KALRN: variants seen among roughly 807,000 people sequenced by gnomAD.
KALRN encodes kalirin RhoGEF kinase, also known as kalirin.
A neutral mutation model predicts 353.7 loss-of-function variants in KALRN; 70 were observed. The ratio of observed to expected loss-of-function variants is 0.20; its 90% CI spans 0.16 to 0.24. The LOEUF is 0.24. Among genes scored for constraint, KALRN ranks in the 10% least tolerant of loss-of-function variants. KALRN has a pLI of 1.00. For synonymous variants in KALRN, 1,391 were observed against 1,434.8 expected, an observed-to-expected ratio of 0.97 and a Z score of 0.69; for missense variants, 2,791 against 3,756.7, an observed-to-expected ratio of 0.74 and a Z score of 6.72.
intron 1 of KALRN, among the ~76,000 whole-genome samples, chr3:124,074,415 A>G (rs1156450890): frequency 6.6e-6 from 1 of 152,214 alleles, no homozygotes; most frequent in Non-Finnish European, 1.5e-5. Context: ...GACAATCTCT[A>G]TGATAGTCTA....
intron 45 of KALRN, among the ~76,000 whole-genome samples, chr3:124,664,370 T>TGTGTGTGTGTGTGTGC (rs370394911): frequency 3.1e-5 from 4 of 129,534 alleles, no homozygotes; most frequent in African/African-American, 8.7e-5. Flanking sequence ...TGTGTGTGTG[T>TGTGTGTGTGTGTGTGC]GCGCGCGCGC....
At chr3:124,393,868 A>G (rs1370389717) in intron 11 of KALRN, among the ~76,000 whole-genome samples, 4 of 152,196 alleles carry the variant, frequency 2.6e-5, no homozygotes, top group Non-Finnish European at 4.4e-5. Flanking sequence ...TTCTCTATCT[A>G]AGGAACAAAG....
intron 36 of KALRN, among the ~76,000 whole-genome samples, chr3:124,636,875 C>A (rs1312337311): frequency 1.3e-5 from 2 of 152,154 alleles, no homozygotes; most frequent in African/African-American, 2.4e-5. Flanking sequence ...AGAGCAGTAG[C>A]CCCCGCCCTC....
At chr3:124,179,974 A>G (rs2073348541) in intron 1 of KALRN, among the ~76,000 whole-genome samples, 1 of 152,246 alleles carries the variant, frequency 6.6e-6, no homozygotes, top group Non-Finnish European at 1.5e-5. Flanking sequence ...CAAACATTTT[A>G]AAGGAATGAA....
At chr3:124,445,169 A>G (rs2093797192) in intron 19 of KALRN, among the ~76,000 whole-genome samples, 1 of 152,166 alleles carries the variant, frequency 6.6e-6, no homozygotes, top group Non-Finnish European at 1.5e-5. Context: ...AGCTTTCTCT[A>G]AACCTCAGTT....
At chr3:124,598,771 G>A (rs1394705855) in intron 34 of KALRN, among the ~76,000 whole-genome samples, 1 of 152,162 alleles carries the variant, frequency 6.6e-6, no homozygotes, top group East Asian at 1.9e-4. Context: ...CCGCATCCCA[G>A]GCCCAAGCCA....
At chr3:124,692,843 A>G (rs333285) in intron 51 of KALRN, among the ~76,000 whole-genome samples, 44,018 of 152,196 alleles carry the variant, frequency 0.29, 6,832 homozygotes, top group East Asian at 0.59. Context: ...ACCTCAGCCT[A>G]TCTCCAAAGT....
intron 37 of KALRN, among the ~76,000 whole-genome samples, chr3:124,639,939 TTC>T (rs1561495407): frequency 6.6e-6 from 1 of 152,210 alleles, no homozygotes; most frequent in Admixed American, 6.5e-5. Context: ...TTCCACCACT[TTC>T]TCTTTCTCCC....
intron 2 of KALRN, among the ~76,000 whole-genome samples, chr3:124,233,309 C>T (rs1016443161): frequency 6.6e-6 from 1 of 152,142 alleles, no homozygotes; most frequent in South Asian, 2.1e-4. Context: ...TTTTGGGAAA[C>T]CTTCCATTTA....
chr3:124,698,213 C>T (rs1374623665), intron 55 of KALRN, among the ~76,000 whole-genome samples: 8 of 152,238 alleles, frequency 5.3e-5, no homozygotes, highest in Non-Finnish European at 8.8e-5. Context: ...TGAGCGCAAA[C>T]AGTCCACTTG....
rs544656473 is a variant in KALRN at position 124,532,663 on chromosome 3, T to C, written c.4936-30180T>C. On this transcript the variant is annotated intron_variant, in intron 33 of 59. Transcript: ENST00000682506. ...TCTACTAAAAATACAAAAAATTAGC[T>C]AGGCAGGGTCGCACACATCTGTAGT... Among the ~76,000 whole-genome samples the C allele has an allele frequency of 2.0e-5, 3 of 152,018 alleles. No individual in the cohort carries two copies. In the South Asian group the frequency reaches 6.2e-4, roughly 32 times the overall value.
intron 13 of KALRN, among the ~76,000 whole-genome samples, chr3:124,403,314 A>G (rs2091105693): frequency 6.6e-6 from 1 of 152,228 alleles, no homozygotes; most frequent in Admixed American, 6.5e-5. Flanking sequence ...ATTTATATCA[A>G]GATAGTTTTT....
chr3:124,503,869 G>A (rs1015384642), intron 33 of KALRN, among the ~76,000 whole-genome samples: 1 of 152,154 alleles, frequency 6.6e-6, no homozygotes, highest in South Asian at 2.1e-4. Context: ...TAGGTTCACA[G>A]GGCAAAATAT....
At chr3:124,696,687 A>G (rs1215475399) in intron 54 of KALRN, among the ~76,000 whole-genome samples, 1 of 152,070 alleles carries the variant, frequency 6.6e-6, no homozygotes, top group African/African-American at 2.4e-5. Context: ...ATCCCATCTG[A>G]ACCATCTTAA....
At chr3:124,513,187 G>A (rs1047948428) in intron 33 of KALRN, among the ~76,000 whole-genome samples, 3 of 152,154 alleles carry the variant, frequency 2.0e-5, no homozygotes, top group Non-Finnish European at 4.4e-5. Flanking sequence ...GGGGGTAGGG[G>A]GCTGGGAGCA....
At chr3:124,419,486 TC>T (rs1044946877) in intron 14 of KALRN, among the ~76,000 whole-genome samples, 4 of 151,930 alleles carry the variant, frequency 2.6e-5, no homozygotes, top group African/African-American at 9.7e-5. Flanking sequence ...AGCCTGTTCT[TC>T]CCCCAAGCTC....
intron 34 of KALRN, among the ~76,000 whole-genome samples, chr3:124,610,636 G>GT (rs77665767): frequency 6.6e-6 from 1 of 151,378 alleles, no homozygotes; most frequent in East Asian, 1.9e-4. Flanking sequence ...ACTAACCCTG[G>GT]GGGGGGCGGC....
intron 1 of KALRN, among the ~76,000 whole-genome samples, chr3:124,224,746 G>T (rs982046036): frequency 1.3e-5 from 2 of 152,192 alleles, no homozygotes; most frequent in Non-Finnish European, 2.9e-5. Context: ...AATGAATCTT[G>T]TTAGGGAATT....
At chr3:124,662,021 G>T (rs1035170838) in intron 45 of KALRN, 93 bp downstream of exon 45, 2 of 986,136 alleles carry the variant, frequency 2.0e-6, no homozygotes, top group Non-Finnish European at 3.3e-6. Context: ...CTTGTGTCCT[G>T]CCTGTGCCTC....
Sources: allele counts gnomAD v4.1 joint callset (sites outside exome capture counted in the v4.1 genomes callset), GRCh38; gene constraint gnomAD v4.1.1; transcripts MANE v1.5; gene names NCBI Gene and HGNC (gene_info 2026-07-23, HGNC 2026-07-21).